Variants in KCNQ3 observed in about 807,000 individuals in gnomAD.
KCNQ3 encodes the protein potassium voltage-gated channel subfamily KQT member 3.
Under a neutral mutation model 92.5 loss-of-function variants are expected in KCNQ3, and 30 were observed. That is an observed-to-expected ratio of 0.32 (90% CI 0.24 to 0.44). KCNQ3 has a LOEUF of 0.44. KCNQ3 is among the 20% of genes least tolerant of loss of function. The probability of loss-of-function intolerance (pLI) is 1.00; values close to 1 mark genes in which losing one functional copy is unlikely to be tolerated. For synonymous variants in KCNQ3, 450 were observed against 468.8 expected (o/e 0.96, Z 0.52); for missense variants, 913 against 1,140.3 (o/e 0.80, Z 2.87).
intron 1 of KCNQ3, among the ~76,000 whole-genome samples, chr8:132,473,858 A>G (rs949815828): frequency 1.3e-5 from 2 of 152,226 alleles, no homozygotes; most frequent in African/African-American, 4.8e-5. Context: ...CTTCTTGTCA[A>G]CATGCTAAGT....
chr8:132,351,906 A>C (rs902943045), intron 1 of KCNQ3, among the ~76,000 whole-genome samples: 1 of 152,160 alleles, frequency 6.6e-6, no homozygotes, highest in East Asian at 1.9e-4. Context: ...TCTAAGACTC[A>C]GTTTCTTCAG....
Position 132,121,730 on chromosome 8 carries a change from G to C in KCNQ3, c.*7532C>G, listed in dbSNP as rs1309795455. ...CTCAGAAATAAAGGTACAGTCTAGA[G>C]ACAAAAGACCAGAGTCAGCAGAGAC... On this transcript the variant is annotated 3_prime_UTR_variant, in exon 15 of 15. Transcript: ENST00000388996. 1 of 152,176 alleles carries C rather than the reference G, an allele frequency of 6.6e-6. No individual in the cohort carries two copies. The highest frequency in any genetic ancestry group is 1.9e-4 in the East Asian group (1 of 5,194). 9.4% of individuals were successfully genotyped at this position (152,176 alleles called of 1,614,324 possible). A position where few individuals can be genotyped will look rare whatever the true frequency, so the allele number is the denominator to read the frequency against.
chr8:132,289,498 A>T (rs1275395462), intron 1 of KCNQ3, among the ~76,000 whole-genome samples: 2 of 151,802 alleles, frequency 1.3e-5, no homozygotes, highest in African/African-American at 4.8e-5. Context: ...ATCATTCCAA[A>T]CTCTGCACTG....
intron 1 of KCNQ3, among the ~76,000 whole-genome samples, chr8:132,279,277 A>G (rs1043919571): frequency 1.3e-5 from 2 of 152,156 alleles, no homozygotes; most frequent in Non-Finnish European, 2.9e-5. Context: ...TAAATATTTG[A>G]TCTAGGGTGT....
intron 1 of KCNQ3, among the ~76,000 whole-genome samples, chr8:132,455,239 T>C (rs1821912957): frequency 6.6e-6 from 1 of 152,018 alleles, no homozygotes; most frequent in Admixed American, 6.6e-5. Flanking sequence ...CCCGAGTAGA[T>C]GGGATTACAG....
intron 1 of KCNQ3, among the ~76,000 whole-genome samples, chr8:132,209,928 G>C (rs1038312222): frequency 6.6e-5 from 10 of 152,140 alleles, no homozygotes; most frequent in Admixed American, 2.0e-4. Flanking sequence ...GTATATACAT[G>C]TGTGTGTGTA....
At chr8:132,422,401 A>C (rs1298635412) in intron 1 of KCNQ3, among the ~76,000 whole-genome samples, 1 of 152,188 alleles carries the variant, frequency 6.6e-6, no homozygotes, top group Non-Finnish European at 1.5e-5. Context: ...CAGAGCCGCC[A>C]GAGGGACAGC....
intron 1 of KCNQ3, among the ~76,000 whole-genome samples, chr8:132,281,237 G>T (rs1046134994): frequency 2.0e-5 from 3 of 152,090 alleles, no homozygotes; most frequent in African/African-American, 7.2e-5. Context: ...CCTTCCTTTA[G>T]GAAAGCTCTG....
At chr8:132,406,770 C>T (rs1433105485) in intron 1 of KCNQ3, among the ~76,000 whole-genome samples, 1 of 152,178 alleles carries the variant, frequency 6.6e-6, no homozygotes, top group Non-Finnish European at 1.5e-5. Flanking sequence ...ATTAAATATA[C>T]AATTCAATTG....
At chr8:132,402,788 TG>T (rs1254797383) in intron 1 of KCNQ3, among the ~76,000 whole-genome samples, 1 of 151,848 alleles carries the variant, frequency 6.6e-6, no homozygotes, top group African/African-American at 2.4e-5. Context: ...GAGGCCGAGG[TG>T]GGCAGATCAC....
Position 132,222,416 on chromosome 8 carries a change from C to T in KCNQ3, c.387-36235G>A, listed in dbSNP as rs1814268586. ...GAGTGAGTGCGTATATAGTAAGAAGCTTACTGTTCTCAGAGAAAATAATGG... is the reference window on the plus strand; with the variant it reads ...GAGTGAGTGCGTATATAGTAAGAAGTTTACTGTTCTCAGAGAAAATAATGG... On this transcript the variant is annotated intron_variant, in intron 1 of 14. Coordinates refer to ENST00000388996, the MANE Select transcript of KCNQ3 (RefSeq NM_004519.4). 2.0e-5 allele frequency among the ~76,000 whole-genome samples: 3 copies of T among 152,288 alleles called. No homozygotes were observed. The South Asian group carries it at 6.2e-4, about 32-fold the overall frequency.
chr8:132,448,502 GAAAAAAA>G, intron 1 of KCNQ3, among the ~76,000 whole-genome samples: 8 of 93,884 alleles, frequency 8.5e-5, no homozygotes, highest in South Asian at 8.0e-4. Context: ...GGAGAAATAT[GAAAAAAA>G]AAAAAAAAAA....
chr8:132,372,565 G>T (rs1327189742), intron 1 of KCNQ3, among the ~76,000 whole-genome samples: 2 of 151,984 alleles, frequency 1.3e-5, no homozygotes, highest in South Asian at 2.1e-4. Context: ...AGACCAGCCT[G>T]ACCAACATGG....
At chr8:132,411,630 A>C (rs904250309) in intron 1 of KCNQ3, among the ~76,000 whole-genome samples, 3 of 152,124 alleles carry the variant, frequency 2.0e-5, no homozygotes, top group African/African-American at 7.2e-5. Flanking sequence ...ACAAACTGGC[A>C]TATCAGGGAC....
intron 1 of KCNQ3, among the ~76,000 whole-genome samples, chr8:132,263,276 T>A (rs1409627945): frequency 6.6e-6 from 1 of 152,204 alleles, no homozygotes. Context: ...TAGGCAGTGA[T>A]CTCAGACTCT....
chr8:132,329,900 C>T (rs1244580230), intron 1 of KCNQ3, among the ~76,000 whole-genome samples: 1 of 152,124 alleles, frequency 6.6e-6, no homozygotes, highest in Non-Finnish European at 1.5e-5. Context: ...CAGTGCACAC[C>T]CTGTGCAGCT....
At chr8:132,404,084 T>G (rs1322560873) in intron 1 of KCNQ3, among the ~76,000 whole-genome samples, 1 of 152,080 alleles carries the variant, frequency 6.6e-6, no homozygotes, top group Non-Finnish European at 1.5e-5. Context: ...CTTGCCCACT[T>G]CCCCTTCTCT....
chr8:132,405,686 C>A (rs1385314458), intron 1 of KCNQ3, among the ~76,000 whole-genome samples: 2 of 152,176 alleles, frequency 1.3e-5, no homozygotes, highest in Admixed American at 1.3e-4. Flanking sequence ...AAAAACAACT[C>A]TGGGTCAAAG....
intron 1 of KCNQ3, among the ~76,000 whole-genome samples, chr8:132,210,536 C>G (rs1813817780): frequency 6.6e-6 from 1 of 151,998 alleles, no homozygotes; most frequent in Non-Finnish European, 1.5e-5. Flanking sequence ...AAACAACACA[C>G]AGTTATCATC....
Sources: gnomAD v4.1 joint callset for allele counts (sites outside exome capture counted in the v4.1 genomes callset) on GRCh38, gnomAD v4.1.1 for gene constraint, MANE v1.5 for transcripts, NCBI Gene and HGNC (gene_info 2026-07-23, HGNC 2026-07-21) for gene names.